Variants in DCPS observed in about 807,000 individuals in gnomAD.
DCPS encodes decapping enzyme, scavenger, also known as m7GpppX diphosphatase.
A neutral mutation model predicts 34.7 loss-of-function variants in DCPS; 27 were observed. The observed-to-expected ratio is 0.78, with a 90% CI of 0.57 to 1.07. The LOEUF (loss-of-function observed/expected upper bound fraction) is 1.07. Ranked by LOEUF, DCPS falls within the 50% of genes least tolerant of loss-of-function variation. DCPS has a pLI of 0.00. For missense variants in DCPS, 464 were observed against 436.9 expected, an observed-to-expected ratio of 1.06 and a Z score of -0.55; for synonymous variants, 185 against 185.7, an observed-to-expected ratio of 1.00 and a Z score of 0.03.
chr11:126,338,145 G>A lies in DCPS; in HGVS notation c.523-141G>A. ...TGCTTGGGGACAGGGCAGCCCGGATGTAGATCCTCTGAGCGTGGCGGCCTT... is the reference window on the plus strand; with the variant it reads ...TGCTTGGGGACAGGGCAGCCCGGATATAGATCCTCTGAGCGTGGCGGCCTT... On this transcript the variant is annotated intron_variant, in intron 3 of 5. Coordinates refer to ENST00000263579, the MANE Select transcript of DCPS (RefSeq NM_014026.6). The surrounding 1 kb of genome is among the most constrained non-coding windows in gnomAD (Gnocchi z 5.4). 1 of 717,932 alleles carries A rather than the reference G, an allele frequency of 1.4e-6. No homozygotes were observed. Among genetic ancestry groups the A allele is most frequent in the East Asian group, 2.7e-5 (1 of 36,996 alleles). 44.5% of individuals were successfully genotyped at this position (717,932 alleles called of 1,614,324 possible). A position where few individuals can be genotyped will look rare whatever the true frequency, so the allele number is the denominator to read the frequency against.
At chr11:126,314,152 A>G (rs1018030459) in intron 2 of DCPS, among the ~76,000 whole-genome samples, 3 of 152,100 alleles carry the variant, frequency 2.0e-5, no homozygotes, top group Admixed American at 6.6e-5. Context: ...TTGTGTCCGT[A>G]TGTCCTCAAC....
At position 126,322,385 on chromosome 11, in the gene DCPS, T is replaced by G. The variant is rs1028008679; in HGVS notation, c.377-9020T>G. On this transcript the variant is annotated intron_variant, in intron 2 of 5. Coordinates refer to ENST00000263579, the MANE Select transcript of DCPS (RefSeq NM_014026.6). The surrounding 1 kb of genome is among the most constrained non-coding windows in gnomAD (Gnocchi z 4.2). ...TTCAAGCAATTCTCCTGTCTCATTCTCTCTAGTAGCTGGGATTACAGGCGC... is the reference window on the plus strand; with the variant it reads ...TTCAAGCAATTCTCCTGTCTCATTCGCTCTAGTAGCTGGGATTACAGGCGC... Among the ~76,000 whole-genome samples the G allele has an allele frequency of 1.3e-5, 2 of 152,118 alleles. No homozygotes were observed. The highest frequency in any genetic ancestry group is 6.5e-5 in the Admixed American group (1 of 15,268).
rs1951899137 is a variant in DCPS at position 126,344,172 on chromosome 11, G to C, written c.747+755G>C. ...CAGTCACAACGATGCCCAGCCAGGA[G>C]AGAGGTTTGCCCCTTTTTGACCAGT... On this transcript the variant is annotated intron_variant, in intron 5 of 5. Transcript: ENST00000263579. The surrounding 1 kb of genome is among the most constrained non-coding windows in gnomAD (Gnocchi z 8.1). 6.6e-6 allele frequency among the ~76,000 whole-genome samples: 1 copy of C among 152,196 alleles called. No homozygotes were observed. The highest frequency in any genetic ancestry group is 6.5e-5 in the Admixed American group (1 of 15,282).
chr11:126,313,279 C>T lies in DCPS; in HGVS notation c.376+6535C>T, dbSNP rs1951632524. Among the ~76,000 whole-genome samples the T allele has an allele frequency of 6.6e-6, 1 of 152,204 alleles. No individual in the cohort carries two copies. The highest frequency in any genetic ancestry group is 2.1e-4 in the South Asian group (1 of 4,836). ...CAGGGAACTCCCGGTACTGTAGCCACAGGCCAGGGTTTTCCGCCCTGTGCT... is the reference window on the plus strand; with the variant it reads ...CAGGGAACTCCCGGTACTGTAGCCATAGGCCAGGGTTTTCCGCCCTGTGCT... On this transcript the variant is annotated intron_variant, in intron 2 of 5. Coordinates refer to ENST00000263579, the MANE Select transcript of DCPS (RefSeq NM_014026.6). The surrounding 1 kb of genome is among the most constrained non-coding windows in gnomAD (Gnocchi z 4.9).
At position 126,345,919 on chromosome 11, in the gene DCPS, C is replaced by A. The variant is rs1951922966; in HGVS notation, c.*306C>A. Among the ~76,000 whole-genome samples the A allele has an allele frequency of 6.6e-6, 1 of 152,044 alleles. No homozygotes were observed. The highest frequency in any genetic ancestry group is 1.5e-5 in the Non-Finnish European group (1 of 68,000). On this transcript the variant is annotated 3_prime_UTR_variant, in exon 6 of 6. Transcript: ENST00000263579. This position sits in a 1 kb window ranked among gnomAD's most constrained non-coding sequence, Gnocchi z 7.4. ...CGAGGGCCTTCTCCAAGCCCCAGGG[C>A]TCACCGTCCGTGGTGGCTTCCTTCT...
chr11:126,341,076 A>G (rs1319774688), intron 4 of DCPS: 1 of 152,170 alleles, frequency 6.6e-6, no homozygotes. Context: ...ATATAAACAT[A>G]TATGTACATG....
Position 126,317,350 on chromosome 11 carries a change from A to G in DCPS, c.376+10606A>G, listed in dbSNP as rs187022107. On this transcript the variant is annotated intron_variant, in intron 2 of 5. Coordinates refer to ENST00000263579, the MANE Select transcript of DCPS (RefSeq NM_014026.6). ...TGTTAATTTGACAGTCATATTTTAA[A>G]TTCTCCTCTCTCTGGTTCTCTGATT... Among the ~76,000 whole-genome samples, 17 of 149,988 alleles carry G rather than the reference A, an allele frequency of 1.1e-4. 3 individuals carry two copies. Among genetic ancestry groups the G allele is most frequent in the African/African-American group, 2.4e-4 (10 of 40,934 alleles).
At chr11:126,317,248 T>C (rs903516284) in intron 2 of DCPS, among the ~76,000 whole-genome samples, 2 of 151,350 alleles carry the variant, frequency 1.3e-5, no homozygotes, top group Non-Finnish European at 1.5e-5. Flanking sequence ...CGTGAGCCAC[T>C]GCACCCGGCC....
Position 126,325,750 on chromosome 11 carries a change from C to G in DCPS, c.377-5655C>G, listed in dbSNP as rs1951735022. ...AACTCTGTAAGGAGTGTTGGAGGTG[C>G]TCTTAATATATTGTGAAGATTTTCC... On this transcript the variant is annotated intron_variant, in intron 2 of 5. Transcript: ENST00000263579. The surrounding 1 kb of genome is among the most constrained non-coding windows in gnomAD (Gnocchi z 4.3). Among the ~76,000 whole-genome samples, 1 of 146,936 alleles carries G rather than the reference C, an allele frequency of 6.8e-6. No individual in the cohort carries two copies. Among genetic ancestry groups the G allele is most frequent in the Admixed American group, 6.7e-5 (1 of 14,906 alleles).
At chr11:126,321,776 G>A (rs887004469) in intron 2 of DCPS, among the ~76,000 whole-genome samples, 5 of 152,152 alleles carry the variant, frequency 3.3e-5, no homozygotes, top group African/African-American at 1.2e-4. Flanking sequence ...GAGAAATTAT[G>A]CTGCTATATT....
chr11:126,313,615 C>G lies in DCPS; in HGVS notation c.376+6871C>G, dbSNP rs1369089302. 1.3e-5 allele frequency among the ~76,000 whole-genome samples: 2 copies of G among 152,046 alleles called. No individual in the cohort carries two copies. The highest frequency in any genetic ancestry group is 2.9e-5 in the Non-Finnish European group (2 of 68,022). ...ATTAAAATGGTACAAAGTTGAAAAA[C>G]AAGCAGAACTGAACAATATACTGCC... is the stretch of plus-strand genomic sequence containing the variant. On this transcript the variant is annotated intron_variant, in intron 2 of 5. Coordinates refer to ENST00000263579, the MANE Select transcript of DCPS (RefSeq NM_014026.6). The surrounding 1 kb of genome is among the most constrained non-coding windows in gnomAD (Gnocchi z 4.9).
At chr11:126,339,510 C>T (rs773828829) in intron 4 of DCPS, among the ~76,000 whole-genome samples, 11 of 152,186 alleles carry the variant, frequency 7.2e-5, no homozygotes, top group South Asian at 2.1e-4. Context: ...GAGCATAATT[C>T]GTCTCTTGAC....
chr11:126,304,212 C>T lies in DCPS; in HGVS notation c.132C>T (p.Phe44=). ...CCTGTGCTCCTGTCCGCTTACCGTTCTCCGGCTTCAGACTGCAGAAGGTGC... is the reference window on the plus strand; with the variant it reads ...CCTGTGCTCCTGTCCGCTTACCGTTTTCCGGCTTCAGACTGCAGAAGGTGC... The part of the protein sequence containing the change: ...NGTCAPVRLP[F]SGFRLQKVLR... Residue 44 remains phenylalanine, a synonymous_variant, in exon 1 of 6, where the codon TTC becomes TTT. Transcript: ENST00000263579. 2.5e-6 allele frequency: 4 copies of T among 1,614,258 alleles called. No individual in the cohort carries two copies. The highest frequency in any genetic ancestry group is 2.2e-5 in the South Asian group (2 of 91,090).
chr11:126,307,750 A>G (rs1367846142), intron 2 of DCPS, among the ~76,000 whole-genome samples: 2 of 152,244 alleles, frequency 1.3e-5, no homozygotes, highest in African/African-American at 2.4e-5. Context: ...AAAATTGTCA[A>G]CAACACTTAG....
rs1951647484 is a variant in DCPS at position 126,315,012 on chromosome 11, A to G, written c.376+8268A>G. 6.6e-6 allele frequency among the ~76,000 whole-genome samples: 1 copy of G among 152,112 alleles called. No homozygotes were observed. The highest frequency in any genetic ancestry group is 1.5e-5 in the Non-Finnish European group (1 of 68,022). On this transcript the variant is annotated intron_variant, in intron 2 of 5. Transcript: ENST00000263579. This position sits in a 1 kb window ranked among gnomAD's most constrained non-coding sequence, Gnocchi z 6.1. Reference sequence around the variant, plus strand: ...TAAAAAAATTTAAAAAAATTGCTCTACCGTAAAGACACATGCACACATATG... The same window carrying G: ...TAAAAAAATTTAAAAAAATTGCTCTGCCGTAAAGACACATGCACACATATG...
In DCPS at chr11:126,345,447, T is replaced by C; in HGVS notation, c.848T>C (p.Leu283Pro). Residue 283 changes from leucine (L) to proline (P), a missense_variant, in exon 6 of 6, where the codon CTG (leucine) becomes CCG (proline). Coordinates refer to ENST00000263579, the MANE Select transcript of DCPS (RefSeq NM_014026.6). The surrounding 1 kb of genome is among the most constrained non-coding windows in gnomAD (Gnocchi z 7.4). ...CACCTGCATGTGCACTTCACCGCCC[T>C]GGGCTTCGAGGCCCCCGGCTCAGGC... ...YYHLHVHFTA[L>P]GFEAPGSGVE... 2 of 1,614,210 alleles carry C rather than the reference T, an allele frequency of 1.2e-6. No individual in the cohort carries two copies. The highest frequency in any genetic ancestry group is 1.7e-6 in the Non-Finnish European group (2 of 1,180,028).
chr11:126,348,930 T>A lies in DCPS; in HGVS notation c.*3317T>A, dbSNP rs1951963388. Among the ~76,000 whole-genome samples the A allele has an allele frequency of 6.6e-6, 1 of 152,152 alleles. No homozygotes were observed. Among genetic ancestry groups the A allele is most frequent in the African/African-American group, 2.4e-5 (1 of 41,440 alleles). ...GGATGTCTTGTCCAGCATTATGGAG[T>A]GAACGTCAGCTCCAGGAAGCAGAGA... is the stretch of plus-strand genomic sequence containing the variant. On this transcript the variant is annotated 3_prime_UTR_variant, in exon 6 of 6. Coordinates refer to ENST00000263579, the MANE Select transcript of DCPS (RefSeq NM_014026.6). The surrounding 1 kb of genome is among the most constrained non-coding windows in gnomAD (Gnocchi z 5.3).
At position 126,325,279 on chromosome 11, in the gene DCPS, A is replaced by G. The variant is rs568470333; in HGVS notation, c.377-6126A>G. ...AGAGAAGAAAATAATCACAGTAACT[A>G]TGGCAGTGAACAGCATTTACATCAT... On this transcript the variant is annotated intron_variant, in intron 2 of 5. Transcript: ENST00000263579. The surrounding 1 kb of genome is among the most constrained non-coding windows in gnomAD (Gnocchi z 4.3). Among the ~76,000 whole-genome samples the G allele has an allele frequency of 1.3e-5, 2 of 152,346 alleles. No homozygotes were observed. Among genetic ancestry groups the G allele is most frequent in the South Asian group, 4.1e-4 (2 of 4,828 alleles).
chr11:126,304,249 G>C lies in DCPS; in HGVS notation c.169G>C (p.Ala57Pro), dbSNP rs1302023418. The C allele has an allele frequency of 1.2e-6, 2 of 1,614,224 alleles. No homozygotes were observed. Among genetic ancestry groups the C allele is most frequent in the Admixed American group, 3.3e-5 (2 of 60,034 alleles). Residue 57 changes from alanine to proline, a missense_variant, in exon 1 of 6, where the codon GCG becomes CCG. Ala to Pro is a conservative substitution (Grantham distance 27). Coordinates refer to ENST00000263579, the MANE Select transcript of DCPS (RefSeq NM_014026.6). ...FRLQKVLRES[A>P]RDKIIFLHGK... ...ACTGCAGAAGGTGCTGAGGGAGTCT[G>C]CGCGGGACAAAATCATTTTCCTACA...
Sources: allele counts gnomAD v4.1 joint callset (sites outside exome capture counted in the v4.1 genomes callset), GRCh38; gene constraint gnomAD v4.1.1; non-coding constraint Gnocchi (gnomAD v3.1); transcripts MANE v1.5; gene names NCBI Gene and HGNC (gene_info 2026-07-23, HGNC 2026-07-21).